DST: variants seen among roughly 807,000 people sequenced by gnomAD.
DST encodes the protein dystonin.
Under a neutral mutation model 875.2 loss-of-function variants are expected in DST, and 253 were observed. That is an observed-to-expected ratio of 0.29 (90% CI 0.26 to 0.32). DST has a LOEUF of 0.32. Ranked by LOEUF, DST falls within the 10% of genes least tolerant of loss-of-function variation. The pLI, the probability that DST is intolerant of heterozygous loss-of-function variation, is 1.00. For synonymous variants in DST, 3,124 were observed against 3,197.1 expected (o/e 0.98, Z 0.77); for missense variants, 8,287 against 9,111.6 (o/e 0.91, Z 3.68).
At chr6:56,802,617 A>G (rs943651558) in intron 4 of DST, among the ~76,000 whole-genome samples, 1 of 152,168 alleles carries the variant, frequency 6.6e-6, no homozygotes, top group Non-Finnish European at 1.5e-5. Context: ...GCATGAGCTC[A>G]TGGGAACGTA....
intron 10 of DST, among the ~76,000 whole-genome samples, chr6:56,665,003 T>G (rs1012708130): frequency 2.6e-5 from 4 of 152,204 alleles, no homozygotes; most frequent in African/African-American, 9.6e-5. Flanking sequence ...CCTTGCAATC[T>G]CTTCCACTAA....
Position 56,553,289 on chromosome 6 carries a change from G to C in DST, c.15503C>G (p.Ala5168Gly). 1 of 1,613,482 alleles carries C rather than the reference G, an allele frequency of 6.2e-7. No homozygotes were observed. The highest frequency in any genetic ancestry group is 8.5e-7 in the Non-Finnish European group (1 of 1,179,862). ...CTCTACTTGCTCTTTATACTTAAGG[G>C]CTTTTTCCAATGACTCTTTTAACTT... ...ENKLKESLEK[A>G]LKYKEQVETL... The change falls in exon 61 of 104, where the codon GCC becomes GGC. Residue 5168 changes from alanine (A) to glycine (G), a missense_variant. Around this residue, in one of 10 missense-constraint regions of DST, gnomAD observed 1,513 missense variants for 1,677.8 expected, o/e 0.90. Transcript: ENST00000680361.
intron 10 of DST, among the ~76,000 whole-genome samples, chr6:56,651,778 T>C (rs1016130913): frequency 5.3e-5 from 8 of 152,194 alleles, no homozygotes; most frequent in African/African-American, 1.9e-4. Context: ...CTGTCTCTGT[T>C]TCCTGAACTC....
At chr6:56,706,499 C>T (rs1264948854) in intron 5 of DST, among the ~76,000 whole-genome samples, 3 of 152,172 alleles carry the variant, frequency 2.0e-5, no homozygotes. Flanking sequence ...ATATCTATTA[C>T]ATGCATGATA....
intron 4 of DST, among the ~76,000 whole-genome samples, chr6:56,749,247 A>T (rs1484116292): frequency 6.6e-6 from 1 of 152,090 alleles, no homozygotes; most frequent in Admixed American, 6.6e-5. Context: ...CCAGGTACTC[A>T]GGAGGCTGAG....
chr6:56,869,156 C>T (rs1183173861), intron 3 of DST, among the ~76,000 whole-genome samples: 1 of 152,120 alleles, frequency 6.6e-6, no homozygotes, highest in Admixed American at 6.5e-5. Flanking sequence ...CTGAGGGGAC[C>T]TATTTTGGGG....
At chr6:56,788,128 CAAAAAAAA>C (rs781369739) in intron 4 of DST, among the ~76,000 whole-genome samples, 8 of 26,600 alleles carry the variant, frequency 3.0e-4, no homozygotes, top group African/African-American at 7.8e-4. Flanking sequence ...GACTCCGTCT[CAAAAAAAA>C]AAAAAAAAAA....
chr6:56,606,643 G>A lies in DST; in HGVS notation c.7985C>T (p.Ser2662Leu). 1 of 1,613,544 alleles carries A rather than the reference G, an allele frequency of 6.2e-7. No individual in the cohort carries two copies. Among genetic ancestry groups the A allele is most frequent in the Non-Finnish European group, 8.5e-7 (1 of 1,179,646 alleles). Reference sequence around the variant, plus strand: ...AACCATGGAATTTTCATTCTCTTTTGAGACATCATAAAAAACATCAGCAGG... The same window carrying A: ...AACCATGGAATTTTCATTCTCTTTTAAGACATCATAAAAAACATCAGCAGG... ...ASPADVFYDV[S>L]KENENSMVPQ... The change falls in exon 40 of 104, where the codon TCA (serine) becomes TTA (leucine). Residue 2662 changes from serine to leucine, a missense_variant. Coordinates refer to ENST00000680361, the MANE Select transcript of DST (RefSeq NM_001374736.1).
rs2098517281 is a variant in DST at position 56,608,497 on chromosome 6, G to C, written c.6131C>G (p.Thr2044Ser). The change falls in exon 40 of 104, where the codon ACT becomes AGT. Residue 2044 changes from threonine (T) to serine (S), a missense_variant. Thr to Ser is a moderately conservative substitution (Grantham distance 58, BLOSUM62 1). This residue lies in a region of DST where 3,138 missense variants were observed against 3,116.6 expected (regional missense o/e 1.01). Transcript: ENST00000680361. ...ATCACACTGTACTGCTTCGTCTACAGTTAAACGCTTGGCAGGGTTTGACTG... is the reference window on the plus strand; with the variant it reads ...ATCACACTGTACTGCTTCGTCTACACTTAAACGCTTGGCAGGGTTTGACTG... The part of the protein sequence containing the change: ...IIQSNPAKRL[T>S]VDEAVQCDLI... The C allele has an allele frequency of 6.2e-7, 1 of 1,613,550 alleles. No individual in the cohort carries two copies. The highest frequency in any genetic ancestry group is 1.1e-5 in the South Asian group (1 of 91,080).
Position 56,608,717 on chromosome 6 carries a change from T to C in DST, c.5911A>G (p.Arg1971Gly), listed in dbSNP as rs1451598362. The change falls in exon 40 of 104, where the codon AGA becomes GGA. Residue 1971 changes from arginine (R) to glycine (G), a missense_variant. Coordinates refer to ENST00000680361, the MANE Select transcript of DST (RefSeq NM_001374736.1). ...LKCGRNISILRAAHEGLIDRE... is the reference protein window; with the variant it reads ...LKCGRNISILGAAHEGLIDRE... ...TCTATGAGACCTTCATGAGCTGCTC[T>C]TAAAATGCTTATGTTTCTTCCACAT... 1.2e-6 allele frequency: 2 copies of C among 1,611,600 alleles called. No homozygotes were observed. Among genetic ancestry groups the C allele is most frequent in the Non-Finnish European group, 1.7e-6 (2 of 1,178,766 alleles).
chr6:56,899,930 TAG>T (rs1474039992), intron 3 of DST, among the ~76,000 whole-genome samples: 4 of 152,192 alleles, frequency 2.6e-5, no homozygotes, highest in African/African-American at 9.6e-5. Context: ...CCAGGACACT[TAG>T]AGTTACCCTA....
intron 9 of DST, chr6:56,692,272 T>C: frequency 2.0e-6 from 1 of 494,292 alleles, no homozygotes; most frequent in Non-Finnish European, 3.2e-6. Flanking sequence ...AGAAACTCTA[T>C]GGCTTTTACA....
intron 3 of DST, among the ~76,000 whole-genome samples, chr6:56,873,827 T>C (rs1778454990): frequency 6.6e-6 from 1 of 152,194 alleles, no homozygotes; most frequent in Admixed American, 6.5e-5. Context: ...TAATACTTTA[T>C]TGTATAGCTC....
Position 56,635,620 on chromosome 6 carries a change from T to C in DST, c.3155A>G (p.His1052Arg), listed in dbSNP as rs2098817272. Residue 1052 changes from histidine to arginine, a missense_variant, in exon 24 of 104, where the codon CAC becomes CGC. By Grantham distance (29) the His-to-Arg change is conservative. This residue lies in a region of DST where 1,160 missense variants were observed against 1,424.3 expected (regional missense o/e 0.81). Coordinates refer to ENST00000680361, the MANE Select transcript of DST (RefSeq NM_001374736.1). ...KYSCDRSSSI[H>R]KLEDLVQESM... ...TTCCTGAACAAGGTCTTCTAGCTTG[T>C]GAATGCTGCTTGATCTATCACAGCT... 1 of 1,613,908 alleles carries C rather than the reference T, an allele frequency of 6.2e-7. No homozygotes were observed. The highest frequency in any genetic ancestry group is 1.3e-5 in the African/African-American group (1 of 74,948).
chr6:56,795,021 G>A lies in DST; in HGVS notation c.625+56376C>T, dbSNP rs147761310. ...ATAAATAGGTACATAGCCAAGGAAGGCTTCTGAGCAAAGCCCCTTATAGGA... is the reference window on the plus strand; with the variant it reads ...ATAAATAGGTACATAGCCAAGGAAGACTTCTGAGCAAAGCCCCTTATAGGA... On this transcript the variant is annotated intron_variant, in intron 4 of 103. Transcript: ENST00000680361. Among the ~76,000 whole-genome samples, 474 of 152,214 alleles carry A rather than the reference G, an allele frequency of 3.1e-3. 2 individuals carry two copies. Among genetic ancestry groups the A allele is most frequent in the African/African-American group, 0.011 (458 of 41,520 alleles).
At position 56,661,878 on chromosome 6, in the gene DST, G is replaced by A. The variant is rs547080816; in HGVS notation, c.1214+8763C>T. Among the ~76,000 whole-genome samples, 47 of 152,158 alleles carry A rather than the reference G, an allele frequency of 3.1e-4. No homozygotes were observed. In the South Asian group the frequency reaches 8.9e-3, roughly 29 times the overall value. ...GCTGGGATTACAGGTGTGAGTCACC[G>A]CGCCCGGCCGACCCTCTAACTTTTT... On this transcript the variant is annotated intron_variant, in intron 10 of 103. Transcript: ENST00000680361.
intron 50 of DST, among the ~76,000 whole-genome samples, chr6:56,577,447 T>C (rs2097890008): frequency 1.3e-5 from 2 of 152,200 alleles, no homozygotes; most frequent in Admixed American, 6.5e-5. Flanking sequence ...TGTTTTATAA[T>C]TATAACACAT....
At chr6:56,543,710 C>A (rs1448352230) in intron 61 of DST, among the ~76,000 whole-genome samples, 3 of 152,100 alleles carry the variant, frequency 2.0e-5, no homozygotes, top group Admixed American at 1.3e-4. Flanking sequence ...TGAACATGAA[C>A]AAAACTGTGC....
chr6:56,720,382 T>G (rs1026120670), intron 5 of DST, among the ~76,000 whole-genome samples: 2 of 150,524 alleles, frequency 1.3e-5, no homozygotes, highest in Non-Finnish European at 1.5e-5. Context: ...TTATTGATCA[T>G]TCTTGGGTGT....
Sources: allele counts gnomAD v4.1 joint callset (sites outside exome capture counted in the v4.1 genomes callset), GRCh38; gene constraint gnomAD v4.1.1; regional missense constraint gnomAD v4.1.1; transcripts MANE v1.5; gene names NCBI Gene and HGNC (gene_info 2026-07-23, HGNC 2026-07-21).